Variants in MAGI3 observed in about 807,000 individuals in gnomAD.
The protein encoded by MAGI3 is membrane associated guanylate kinase, WW and PDZ domain containing 3.
A neutral mutation model predicts 121.8 loss-of-function variants in MAGI3; 43 were observed. The ratio of observed to expected loss-of-function variants is 0.35; its 90% confidence interval spans 0.28 to 0.46. MAGI3 has a LOEUF of 0.46. Ranked by LOEUF, MAGI3 falls within the 20% of genes least tolerant of loss-of-function variation. The pLI, the probability that MAGI3 is intolerant of heterozygous loss-of-function variation, is 1.00. For missense variants in MAGI3, 1,547 were observed against 1,797.3 expected, an observed-to-expected ratio of 0.86 and a Z score of 2.52; for synonymous variants, 553 against 639.3, an observed-to-expected ratio of 0.86 and a Z score of 2.04.
chr1:113,567,652 A>C (rs959918020), intron 2 of MAGI3, among the ~76,000 whole-genome samples: 3 of 152,048 alleles, frequency 2.0e-5, no homozygotes, highest in Admixed American at 6.6e-5. Flanking sequence ...TTAACATCTC[A>C]ATACAGAAAA....
intron 1 of MAGI3, among the ~76,000 whole-genome samples, chr1:113,447,607 A>G (rs867801587): frequency 1.8e-4 from 27 of 152,248 alleles, no homozygotes; most frequent in Non-Finnish European, 1.0e-4. Context: ...TAATCCCAGC[A>G]CTTTGGGAGG....
At chr1:113,458,434 G>T (rs545968093) in intron 1 of MAGI3, among the ~76,000 whole-genome samples, 26 of 152,284 alleles carry the variant, frequency 1.7e-4, no homozygotes, top group African/African-American at 5.8e-4. Context: ...TTAACTCTCA[G>T]TATCCCCCGG....
chr1:113,598,521 G>C (rs1649163629), intron 6 of MAGI3, among the ~76,000 whole-genome samples: 1 of 151,930 alleles, frequency 6.6e-6, no homozygotes, highest in Non-Finnish European at 1.5e-5. Flanking sequence ...AAAGTGAGCA[G>C]GAGTAGCTAT....
chr1:113,489,896 G>A (rs752844841), intron 1 of MAGI3, among the ~76,000 whole-genome samples: 1 of 152,090 alleles, frequency 6.6e-6, no homozygotes, highest in Non-Finnish European at 1.5e-5. Context: ...TATGTAAAGA[G>A]ACCAAATTTA....
At chr1:113,411,451 C>T (rs780755423) in intron 1 of MAGI3, among the ~76,000 whole-genome samples, 7 of 151,560 alleles carry the variant, frequency 4.6e-5, no homozygotes, top group Admixed American at 6.6e-5. Context: ...AAATTTAGGC[C>T]GTTTTTATAA....
At chr1:113,632,490 A>G (rs1651697054) in intron 9 of MAGI3, among the ~76,000 whole-genome samples, 1 of 152,224 alleles carries the variant, frequency 6.6e-6, no homozygotes, top group South Asian at 2.1e-4. Flanking sequence ...AAATAATCAT[A>G]TTCAAATAAA....
intron 9 of MAGI3, among the ~76,000 whole-genome samples, chr1:113,633,372 C>G: frequency 6.8e-6 from 1 of 146,918 alleles, no homozygotes; most frequent in Non-Finnish European, 1.5e-5. Context: ...CGCCATTCTC[C>G]TGCCTCAGCC....
intron 1 of MAGI3, among the ~76,000 whole-genome samples, chr1:113,428,310 T>C (rs1653121975): frequency 6.6e-6 from 1 of 152,250 alleles, no homozygotes; most frequent in Non-Finnish European, 1.5e-5. Context: ...TTGGGCATTT[T>C]TATTTATTAT....
intron 8 of MAGI3, among the ~76,000 whole-genome samples, chr1:113,621,141 A>G (rs1452347197): frequency 1.3e-5 from 2 of 152,204 alleles, no homozygotes; most frequent in African/African-American, 4.8e-5. Context: ...CAAAAATTTT[A>G]AAGGAGCAAG....
chr1:113,665,284 A>G (rs891439428), intron 16 of MAGI3, among the ~76,000 whole-genome samples: 2 of 152,124 alleles, frequency 1.3e-5, no homozygotes, highest in African/African-American at 4.8e-5. Flanking sequence ...TCTCTCCTAT[A>G]TATCAACTTC....
intron 1 of MAGI3, among the ~76,000 whole-genome samples, chr1:113,514,966 G>T (rs770567349): frequency 2.6e-5 from 4 of 152,050 alleles, no homozygotes; most frequent in Non-Finnish European, 4.4e-5. Flanking sequence ...TTCTGGGTCA[G>T]TGCCCTTATT....
chr1:113,438,850 C>A (rs945827170), intron 1 of MAGI3, among the ~76,000 whole-genome samples: 3 of 152,200 alleles, frequency 2.0e-5, no homozygotes, highest in African/African-American at 4.8e-5. Flanking sequence ...GTACAAATAT[C>A]TTTTTCCTTC....
intron 2 of MAGI3, among the ~76,000 whole-genome samples, chr1:113,550,289 G>A (rs991457722): frequency 3.2e-4 from 48 of 151,238 alleles, no homozygotes; most frequent in African/African-American, 1.2e-3. Flanking sequence ...CGTCGCAGGC[G>A]CCTGTAATCC....
At chr1:113,418,238 T>C (rs1652555012) in intron 1 of MAGI3, among the ~76,000 whole-genome samples, 1 of 152,206 alleles carries the variant, frequency 6.6e-6, no homozygotes, top group African/African-American at 2.4e-5. Context: ...GGTTTTAGTG[T>C]CTGATAACTT....
At chr1:113,558,843 C>T (rs971232264) in intron 2 of MAGI3, among the ~76,000 whole-genome samples, 4 of 152,146 alleles carry the variant, frequency 2.6e-5, no homozygotes, top group Admixed American at 2.6e-4. Context: ...CAAAGGGAAG[C>T]CACCAGATAA....
chr1:113,433,772 C>T (rs1054285979), intron 1 of MAGI3, among the ~76,000 whole-genome samples: 2 of 152,024 alleles, frequency 1.3e-5, no homozygotes, highest in African/African-American at 4.8e-5. Context: ...GTAACCTTTG[C>T]GTACGTAGTT....
chr1:113,446,315 T>C (rs1654177436), intron 1 of MAGI3, among the ~76,000 whole-genome samples: 1 of 152,144 alleles, frequency 6.6e-6, no homozygotes, highest in South Asian at 2.1e-4. Flanking sequence ...TAATTTAAAT[T>C]AGAATGTTTT....
At chr1:113,470,060 ATT>A (rs1314383471) in intron 1 of MAGI3, among the ~76,000 whole-genome samples, 49 of 152,340 alleles carry the variant, frequency 3.2e-4, no homozygotes, top group African/African-American at 1.2e-3. Flanking sequence ...TTGTAAGGGT[ATT>A]CAGGAAAACT....
rs541873511 is a variant in MAGI3 at position 113,444,559 on chromosome 1, G to A, written c.316+53210G>A. On this transcript the variant is annotated intron_variant, in intron 1 of 20. Coordinates refer to ENST00000307546, the MANE Select transcript of MAGI3 (RefSeq NM_001142782.2). ...AAGTTTACATTTCAGGCTGATCATTGGCACAAAGACAATACCAATCAAGAC... is the reference window on the plus strand; with the variant it reads ...AAGTTTACATTTCAGGCTGATCATTAGCACAAAGACAATACCAATCAAGAC... Among the ~76,000 whole-genome samples the A allele has an allele frequency of 5.3e-5, 8 of 152,200 alleles. No individual in the cohort carries two copies. The South Asian group carries it at 1.7e-3, about 32-fold the overall frequency.
Sources: gnomAD v4.1 joint callset for allele counts (sites outside exome capture counted in the v4.1 genomes callset) on GRCh38, gnomAD v4.1.1 for gene constraint, MANE v1.5 for transcripts, NCBI Gene and HGNC (gene_info 2026-07-23, HGNC 2026-07-21) for gene names.